Variants in ATP13A5 observed in about 807,000 individuals in gnomAD.
ATP13A5 encodes ATPase 13A5.
A neutral mutation model predicts 150.2 loss-of-function variants in ATP13A5; 149 were observed. The ratio of observed to expected loss-of-function variants is 0.99; its 90% CI spans 0.87 to 1.14. The LOEUF is 1.14. ATP13A5 is among the 50% of genes most tolerant of loss of function. ATP13A5 has a pLI of 0.00. For missense variants in ATP13A5, 1,383 were observed against 1,449.3 expected, an observed-to-expected ratio of 0.95 and a Z score of 0.74; for synonymous variants, 497 against 522.2, an observed-to-expected ratio of 0.95 and a Z score of 0.66.
chr3:193,324,764 T>G, intron 14 of ATP13A5, 100 bp downstream of exon 14: 1 of 1,347,492 alleles, frequency 7.4e-7, no homozygotes, highest in Non-Finnish European at 1.0e-6. Context: ...CATACATTAT[T>G]ATGAACCTTC....
At chr3:193,334,059 T>A in intron 10 of ATP13A5, 152 bp from the exon 11 acceptor site, 1 of 685,260 alleles carries the variant, frequency 1.5e-6, no homozygotes, top group Non-Finnish European at 2.3e-6. Context: ...TCATGATTTT[T>A]AACCATGAGC....
Position 193,351,111 on chromosome 3 carries a change from AAAT to A in ATP13A5, c.694_696del (p.Ile232del). ...CTTAAGACAATGGAGATAACAGTCA[AAAT>A]GATGATGGCCACAGAGTATTCTATG... On this transcript the variant is annotated inframe_deletion, in exon 7 of 30. Coordinates refer to ENST00000342358, the MANE Select transcript of ATP13A5 (RefSeq NM_198505.4). 1.2e-6 allele frequency: 2 copies of A among 1,613,800 alleles called. No homozygotes were observed. The highest frequency in any genetic ancestry group is 1.7e-6 in the Non-Finnish European group (2 of 1,179,758).
At chr3:193,332,577 C>A (rs1342000047) in intron 11 of ATP13A5, among the ~76,000 whole-genome samples, 1 of 152,164 alleles carries the variant, frequency 6.6e-6, no homozygotes, top group Non-Finnish European at 1.5e-5. Context: ...GTATTGGAAA[C>A]ATGGGATTCA....
chr3:193,338,675 G>A (rs1711992185), intron 9 of ATP13A5, among the ~76,000 whole-genome samples: 5 of 152,184 alleles, frequency 3.3e-5, no homozygotes, highest in Admixed American at 3.3e-4. Flanking sequence ...GTTCATCAGG[G>A]ATATTGGTCT....
chr3:193,275,675 C>G (rs1717162907), intron 29 of ATP13A5, among the ~76,000 whole-genome samples: 1 of 152,156 alleles, frequency 6.6e-6, no homozygotes, highest in Non-Finnish European at 1.5e-5. Context: ...TAAAAGGTGT[C>G]TAAGCGTTTG....
In ATP13A5 at chr3:193,326,869, AC is replaced by A. The variant is rs1337046954; in HGVS notation, c.1523+126del. The A allele has an allele frequency of 4.2e-5, 33 of 786,014 alleles. No homozygotes were observed. The African/African-American group carries it at 5.1e-4, about 12-fold the overall frequency. The allele number at this position is 786,014 out of a possible 1,614,324, so 48.7% of individuals were successfully genotyped here. A position where few individuals can be genotyped will look rare whatever the true frequency, so the allele number is the denominator to read the frequency against. ...TTTAAGCAAGTTAGAATAATTAGGA[AC>A]TAGTTCCAGCCAACTATTGTATATA... On this transcript the variant is annotated intron_variant, in intron 13 of 29. Coordinates refer to ENST00000342358, the MANE Select transcript of ATP13A5 (RefSeq NM_198505.4).
intron 25 of ATP13A5, among the ~76,000 whole-genome samples, chr3:193,297,641 C>T (rs1480982800): frequency 6.6e-6 from 1 of 151,902 alleles, no homozygotes; most frequent in Non-Finnish European, 1.5e-5. Context: ...TTTTTTTCTC[C>T]TAGTGGTAAT....
At chr3:193,359,298 C>T (rs77707720) in intron 5 of ATP13A5, among the ~76,000 whole-genome samples, 2,196 of 152,142 alleles carry the variant, frequency 0.014, 20 homozygotes, top group Non-Finnish European at 0.022. Flanking sequence ...ATAGAGGTCA[C>T]GGTATATAAG....
chr3:193,370,474 T>G (rs948168231), intron 1 of ATP13A5, among the ~76,000 whole-genome samples: 1 of 152,170 alleles, frequency 6.6e-6, no homozygotes, highest in Non-Finnish European at 1.5e-5. Context: ...GGTGCAGCAG[T>G]TAAAAGCTGA....
intron 16 of ATP13A5, among the ~76,000 whole-genome samples, chr3:193,320,947 T>C (rs1037521334): frequency 6.6e-6 from 1 of 152,218 alleles, no homozygotes; most frequent in Non-Finnish European, 1.5e-5. Context: ...TTTACTCTGA[T>C]CACTTTTATT....
intron 25 of ATP13A5, 107 bp from the exon 26 acceptor site, chr3:193,290,166 G>A (rs1717893131): frequency 3.5e-6 from 4 of 1,129,468 alleles, no homozygotes; most frequent in Admixed American, 6.0e-5. Flanking sequence ...TTCAGACTAA[G>A]CAAACACGAA....
intron 7 of ATP13A5, among the ~76,000 whole-genome samples, chr3:193,346,410 A>G (rs6802760): frequency 0.39 from 59,922 of 151,942 alleles, 12,328 homozygotes; most frequent in East Asian, 0.56. Flanking sequence ...GATTTCATCC[A>G]TACAGTTCCC....
intron 9 of ATP13A5, 145 bp from the exon 10 acceptor site, chr3:193,335,244 T>C (rs1711810489): frequency 1.3e-5 from 9 of 682,186 alleles, no homozygotes; most frequent in Middle Eastern, 4.0e-4. Flanking sequence ...TTCATAGAGA[T>C]GCTGGTGGTA....
chr3:193,342,257 G>T (rs186002092), intron 9 of ATP13A5, among the ~76,000 whole-genome samples: 1 of 152,292 alleles, frequency 6.6e-6, no homozygotes, highest in Admixed American at 6.5e-5. Flanking sequence ...ACATAGGGAA[G>T]AAATACCTAA....
At chr3:193,333,996 T>C (rs1308214631) in intron 10 of ATP13A5, 89 bp from the exon 11 acceptor site, 1 of 1,213,204 alleles carries the variant, frequency 8.2e-7, no homozygotes, top group Admixed American at 2.3e-5. Context: ...AGGAAAAGAG[T>C]AGAGTGTCCT....
At chr3:193,329,465 C>CA (rs770156920) in intron 12 of ATP13A5, among the ~76,000 whole-genome samples, 3 of 40,604 alleles carry the variant, frequency 7.4e-5, no homozygotes, top group East Asian at 2.5e-3. Context: ...TGAACAGCCT[C>CA]GGGAAAATTA....
At chr3:193,338,851 ATCTG>A (rs1182424033) in intron 9 of ATP13A5, among the ~76,000 whole-genome samples, 1 of 152,094 alleles carries the variant, frequency 6.6e-6, no homozygotes, top group Non-Finnish European at 1.5e-5. Flanking sequence ...TCGGCAGTGA[ATCTG>A]TCTGGTCCTG....
At chr3:193,295,971 T>C (rs541387665) in intron 25 of ATP13A5, among the ~76,000 whole-genome samples, 24 of 152,142 alleles carry the variant, frequency 1.6e-4, no homozygotes, top group Admixed American at 5.2e-4. Context: ...GAGAGGATAT[T>C]GGCCTTGCTC....
intron 17 of ATP13A5, among the ~76,000 whole-genome samples, chr3:193,317,639 T>C (rs1719100098): frequency 6.6e-6 from 1 of 152,202 alleles, no homozygotes; most frequent in South Asian, 2.1e-4. Context: ...CTTTGCTAAA[T>C]AGAATTTGAT....
Sources: allele counts gnomAD v4.1 joint callset (sites outside exome capture counted in the v4.1 genomes callset), GRCh38; gene constraint gnomAD v4.1.1; transcripts MANE v1.5; gene names NCBI Gene and HGNC (gene_info 2026-07-23, HGNC 2026-07-21).